Variants in DOCK8 observed in about 807,000 individuals in gnomAD.
DOCK8 encodes dedicator of cytokinesis 8, also known as dedicator of cytokinesis protein 8.
In DOCK8, 141 loss-of-function variants were observed where a neutral mutation model predicts 245.6. That is an observed-to-expected ratio of 0.57 (90% confidence interval 0.50 to 0.66). The LOEUF (loss-of-function observed/expected upper bound fraction) is 0.66. Among genes scored for constraint, DOCK8 ranks in the 30% least tolerant of loss-of-function variants. The pLI, the probability that DOCK8 is intolerant of heterozygous loss-of-function variation, is 0.00. For synonymous variants in DOCK8, 1,168 were observed against 970.2 expected, an observed-to-expected ratio of 1.20 and a Z score of -3.79; for missense variants, 2,965 against 2,603.4, an observed-to-expected ratio of 1.14 and a Z score of -3.02.
At chr9:391,821 CTTT>C (rs373810616) in intron 24 of DOCK8, among the ~76,000 whole-genome samples, 3 of 116,310 alleles carry the variant, frequency 2.6e-5, no homozygotes, top group Non-Finnish European at 3.6e-5. Context: ...TTAAGTGAAT[CTTT>C]TTTTTTTTTT....
chr9:395,127 C>A (rs908762879), intron 24 of DOCK8, among the ~76,000 whole-genome samples: 1 of 152,072 alleles, frequency 6.6e-6, no homozygotes, highest in African/African-American at 2.4e-5. Flanking sequence ...CAGTTCCCAC[C>A]CTTCATTCGG....
chr9:368,167 CA>C, intron 15 of DOCK8, 32 bp downstream of exon 15: 1 of 1,576,236 alleles, frequency 6.3e-7, no homozygotes. Flanking sequence ...TGCCTCAAAT[CA>C]GGGTGGGCTG....
intron 1 of DOCK8, among the ~76,000 whole-genome samples, chr9:270,271 C>A (rs1422183102): frequency 6.6e-6 from 1 of 152,370 alleles, no homozygotes; most frequent in East Asian, 1.9e-4. Flanking sequence ...CTTGCCTCAT[C>A]ATGTAACGGG....
rs1318622066 is a variant in DOCK8 at position 332,255 on chromosome 9, A to C, written c.1045-143A>C. On this transcript the variant is annotated intron_variant, in intron 9 of 47. Transcript: ENST00000432829. ...AAAATTGTATGCTATTCTTTATATA[A>C]ATTTTTTAATAAAAAAATATGTATC... 9.6e-6 allele frequency: 6 copies of C among 623,308 alleles called. No individual in the cohort carries two copies. In the South Asian group the frequency reaches 1.0e-4, roughly 10 times the overall value. The allele number at this position is 623,308 out of a possible 1,614,324, so 38.6% of individuals were successfully genotyped here. A position where few individuals can be genotyped will look rare whatever the true frequency, so the allele number is the denominator to read the frequency against.
At chr9:220,280 C>A (rs1050857985) in intron 1 of DOCK8, among the ~76,000 whole-genome samples, 1 of 152,204 alleles carries the variant, frequency 6.6e-6, no homozygotes, top group East Asian at 1.9e-4. Flanking sequence ...AGATGCCTTA[C>A]AAAATGTATG....
At position 429,659 on chromosome 9, in the gene DOCK8, A is replaced by C; in HGVS notation, c.4474-43A>C. ...ATTTCAACGGTCCAGAAAGTGTATC[A>C]AACTGCCAAGTGATGCCTAATGGCC... On this transcript the variant is annotated intron_variant, in intron 35 of 47. Transcript: ENST00000432829. 3 of 1,613,318 alleles carry C rather than the reference A, an allele frequency of 1.9e-6. No homozygotes were observed. In the East Asian group the frequency reaches 6.7e-5, roughly 36 times the overall value.
intron 38 of DOCK8, 116 bp from the exon 39 acceptor site, chr9:434,667 G>A: frequency 9.7e-7 from 1 of 1,031,404 alleles, no homozygotes; most frequent in Non-Finnish European, 1.5e-6. Context: ...CAAAATCTCA[G>A]GTGGAGGGGT....
chr9:446,260 C>T (rs1474331883), intron 43 of DOCK8, 110 bp from the exon 44 acceptor site: 2 of 911,098 alleles, frequency 2.2e-6, no homozygotes, highest in Admixed American at 1.7e-5. Context: ...CTTTTCTGCA[C>T]TGGGCAGGGC....
At chr9:457,179 G>C (rs1710013760) in intron 46 of DOCK8, 2 of 152,020 alleles carry the variant, frequency 1.3e-5, no homozygotes, top group African/African-American at 4.8e-5. Context: ...AGCTGGAAAT[G>C]GGGAAATGGC....
At chr9:462,767 G>A (rs551621067) in intron 46 of DOCK8, among the ~76,000 whole-genome samples, 2 of 152,216 alleles carry the variant, frequency 1.3e-5, no homozygotes, top group Non-Finnish European at 2.9e-5. Context: ...GTACGTAGCA[G>A]GAGGAGGCTG....
At chr9:288,714 C>G (rs2048923764) in intron 3 of DOCK8, among the ~76,000 whole-genome samples, 1 of 152,292 alleles carries the variant, frequency 6.6e-6, no homozygotes, top group Admixed American at 6.5e-5. Flanking sequence ...GGTTGAGTGA[C>G]TGGCTTATGG....
intron 33 of DOCK8, among the ~76,000 whole-genome samples, chr9:425,898 A>C (rs192030571): frequency 6.6e-6 from 1 of 152,252 alleles, no homozygotes; most frequent in East Asian, 1.9e-4. Flanking sequence ...ACACAGAAGT[A>C]CTTATTTTTT....
At chr9:430,957 A>G (rs997869989) in intron 36 of DOCK8, among the ~76,000 whole-genome samples, 3 of 151,882 alleles carry the variant, frequency 2.0e-5, no homozygotes, top group Non-Finnish European at 2.9e-5. Context: ...GCAGCCTTCA[A>G]CTCCTGGGCT....
At chr9:305,345 C>G (rs558592048) in intron 5 of DOCK8, among the ~76,000 whole-genome samples, 1 of 151,706 alleles carries the variant, frequency 6.6e-6, no homozygotes, top group East Asian at 1.9e-4. Context: ...TGCAGTGGCA[C>G]GATCTTGGCT....
intron 1 of DOCK8, among the ~76,000 whole-genome samples, chr9:225,449 T>C (rs1335387007): frequency 2.0e-5 from 3 of 152,012 alleles, no homozygotes; most frequent in Non-Finnish European, 4.4e-5. Context: ...GTCATTCCGA[T>C]GTGAGGTAGT....
At chr9:348,621 C>CTT (rs1307719190) in intron 14 of DOCK8, among the ~76,000 whole-genome samples, 1 of 152,194 alleles carries the variant, frequency 6.6e-6, no homozygotes, top group Non-Finnish European at 1.5e-5. Context: ...CAAAGTTAGG[C>CTT]TTGCATTTGA....
chr9:305,034 C>G (rs2049751792), intron 5 of DOCK8, among the ~76,000 whole-genome samples: 1 of 152,188 alleles, frequency 6.6e-6, no homozygotes, highest in South Asian at 2.1e-4. Context: ...ATGAAAAGCT[C>G]TATGCTGAGG....
At position 402,454 on chromosome 9, in the gene DOCK8, C is replaced by G. The variant is rs1038320715; in HGVS notation, c.3235-2464C>G. 2.6e-4 allele frequency among the ~76,000 whole-genome samples: 39 copies of G among 152,174 alleles called. 1 individual carries two copies. The highest frequency in any genetic ancestry group is 9.2e-4 in the African/African-American group (38 of 41,442). On this transcript the variant is annotated intron_variant, in intron 26 of 47. Coordinates refer to ENST00000432829, the MANE Select transcript of DOCK8 (RefSeq NM_203447.4). ...GCTGGATTAGATTTATCCACTGATT[C>G]TGTGGTCTGTGTCTGCCAGTGACAT...
chr9:400,036 A>ATCACCAT (rs2054707636), intron 26 of DOCK8, among the ~76,000 whole-genome samples: 1 of 128,362 alleles, frequency 7.8e-6, no homozygotes, highest in African/African-American at 3.6e-5. Flanking sequence ...CACCATCACC[A>ATCACCAT]CCACCACCTC....
Sources: allele counts gnomAD v4.1 joint callset (sites outside exome capture counted in the v4.1 genomes callset), GRCh38; gene constraint gnomAD v4.1.1; transcripts MANE v1.5; gene names NCBI Gene and HGNC (gene_info 2026-07-23, HGNC 2026-07-21).